DYNC2I2: variants seen among roughly 807,000 people sequenced by gnomAD.
The protein encoded by DYNC2I2 is cytoplasmic dynein 2 intermediate chain 2.
A neutral mutation model predicts 52.0 loss-of-function variants in DYNC2I2; 39 were observed. That is an observed-to-expected ratio of 0.75 (90% CI 0.58 to 0.98). The LOEUF (loss-of-function observed/expected upper bound fraction) is 0.98. DYNC2I2 is among the 50% of genes least tolerant of loss of function. The probability of loss-of-function intolerance (pLI) is 0.00; values close to 1 mark genes in which losing one functional copy is unlikely to be tolerated. For synonymous variants in DYNC2I2, 359 were observed against 321.1 expected (o/e 1.12, Z -1.26); for missense variants, 743 against 728.4 (o/e 1.02, Z -0.23).
chr9:128,637,793 G>A (rs971759943), intron 2 of DYNC2I2, among the ~76,000 whole-genome samples: 8 of 152,070 alleles, frequency 5.3e-5, no homozygotes, highest in South Asian at 2.1e-4. Flanking sequence ...CCCTGCAGCC[G>A]GCCACAGCTG....
At chr9:128,676,385 G>C in the DYNC2I2 span, among the ~76,000 whole-genome samples, 2 of 151,870 alleles carry the variant, frequency 1.3e-5, no homozygotes, top group Non-Finnish European at 2.9e-5. Context: ...AGCTACTCGG[G>C]AGGCTGAGGC....
chr9:128,645,271 G>A (rs969024643), intron 1 of DYNC2I2, among the ~76,000 whole-genome samples: 35 of 151,928 alleles, frequency 2.3e-4, no homozygotes, highest in African/African-American at 5.3e-4. Flanking sequence ...CAAGGCGGGC[G>A]GATCGCCTGA....
chr9:128,670,897 G>T, the DYNC2I2 span, among the ~76,000 whole-genome samples: 40 of 151,476 alleles, frequency 2.6e-4, 1 homozygote, highest in Admixed American at 2.6e-3. Context: ...GTGAAACCCC[G>T]TCTCTACTAA....
the DYNC2I2 span, among the ~76,000 whole-genome samples, chr9:128,665,056 C>CTT: frequency 3.6e-5 from 5 of 138,794 alleles, no homozygotes; most frequent in African/African-American, 1.3e-4. Context: ...TTTTCTTTTT[C>CTT]TTTTTTTTTT....
At chr9:128,671,900 G>A in the DYNC2I2 span, among the ~76,000 whole-genome samples, 10 of 151,516 alleles carry the variant, frequency 6.6e-5, no homozygotes, top group Non-Finnish European at 1.3e-4. Flanking sequence ...TGATCCGCCC[G>A]CCTCGGCCTC....
Position 128,633,754 on chromosome 9 carries a change from A to G in DYNC2I2, c.1601T>C (p.Val534Ala). The G allele has an allele frequency of 2.5e-6, 4 of 1,612,840 alleles. No individual in the cohort carries two copies. Among genetic ancestry groups the G allele is most frequent in the Non-Finnish European group, 3.4e-6 (4 of 1,179,990 alleles). ...AEDLDCLAAEVAA is the reference protein window; with the variant it reads ...AEDLDCLAAEAAA ...GCCTCCCGGGACCCCTCAGGCCGCC[A>G]CCTCTGCTGCCAGGCAGTCCAGGTC... The change falls in exon 9 of 9, where the codon GTG (valine) becomes GCG (alanine). Residue 534 changes from valine (V) to alanine (A), a missense_variant. Physicochemically the swap from Val to Ala is moderately conservative, Grantham distance 64. Transcript: ENST00000372715.
intron 1 of DYNC2I2, among the ~76,000 whole-genome samples, chr9:128,654,999 T>C (rs1328442718): frequency 1.3e-5 from 2 of 151,988 alleles, no homozygotes; most frequent in Non-Finnish European, 2.9e-5. Flanking sequence ...GAGGGAGAGA[T>C]GTCCGTCTTC....
the DYNC2I2 span, among the ~76,000 whole-genome samples, chr9:128,666,203 C>T: frequency 2.1e-3 from 313 of 151,236 alleles, 6 homozygotes; most frequent in South Asian, 0.011. Context: ...TGGAGAAAAC[C>T]CATCTCTACT....
At chr9:128,641,084 G>A in intron 1 of DYNC2I2, 145 bp from the exon 2 acceptor site, 3 of 1,323,608 alleles carry the variant, frequency 2.3e-6, no homozygotes, top group Non-Finnish European at 2.0e-6. Context: ...GTCTTGGTTG[G>A]AGATGGCCCC....
the DYNC2I2 span, among the ~76,000 whole-genome samples, chr9:128,667,671 GT>G: frequency 1.3e-5 from 2 of 151,772 alleles, no homozygotes; most frequent in Non-Finnish European, 2.9e-5. Context: ...CCTGGTTCAA[GT>G]GATTCTCCTG....
At chr9:128,634,055 C>T (rs1860285737) in intron 8 of DYNC2I2, 73 bp from the exon 9 acceptor site, 1 of 1,578,670 alleles carries the variant, frequency 6.3e-7, no homozygotes, top group East Asian at 2.2e-5. Flanking sequence ...GAGGCTAATG[C>T]CCGGGTTCAA....
At chr9:128,678,982 TG>T in the DYNC2I2 span, among the ~76,000 whole-genome samples, 2 of 152,190 alleles carry the variant, frequency 1.3e-5, no homozygotes, top group East Asian at 3.9e-4. Flanking sequence ...GCCAGGAGAA[TG>T]GCGTGAACCT....
chr9:128,641,826 C>T (rs1209612583), intron 1 of DYNC2I2, among the ~76,000 whole-genome samples: 1 of 152,034 alleles, frequency 6.6e-6, no homozygotes. Context: ...GCACTGGTAC[C>T]CACCCTCACC....
At chr9:128,683,482 C>T in the DYNC2I2 span, 4,474 of 232,936 alleles carry the variant, frequency 0.019, 177 homozygotes, top group African/African-American at 0.092. Context: ...CTTTTGGAGG[C>T]CAAAGGAAAA....
chr9:128,638,745 A>G (rs1382271194), intron 2 of DYNC2I2, among the ~76,000 whole-genome samples: 3 of 152,148 alleles, frequency 2.0e-5, no homozygotes, highest in African/African-American at 7.2e-5. Flanking sequence ...CTGTACACCA[A>G]TGTCCACAAG....
At chr9:128,668,818 A>C in the DYNC2I2 span, among the ~76,000 whole-genome samples, 1 of 151,852 alleles carries the variant, frequency 6.6e-6, no homozygotes. Context: ...TCAGTCTAAA[A>C]AAAAGGAAAA....
chr9:128,634,450 C>A (rs1564338028), intron 7 of DYNC2I2, 67 bp from the exon 8 acceptor site: 2 of 1,511,266 alleles, frequency 1.3e-6, no homozygotes, highest in Non-Finnish European at 1.8e-6. Context: ...TGGCCCCCAA[C>A]ACCAGACCCC....
chr9:128,645,616 C>CAAAAAAAA (rs59742854), intron 1 of DYNC2I2, among the ~76,000 whole-genome samples: 4 of 63,924 alleles, frequency 6.3e-5, no homozygotes, highest in African/African-American at 2.4e-4. Context: ...GACTCCATCT[C>CAAAAAAAA]AAAAAAAAAA....
At chr9:128,634,558 G>C in intron 7 of DYNC2I2, 131 bp downstream of exon 7, 4 of 1,282,606 alleles carry the variant, frequency 3.1e-6, no homozygotes, top group Non-Finnish European at 4.2e-6. Context: ...AACCACCAAA[G>C]ACCTGAACAC....
Sources: allele counts gnomAD v4.1 joint callset (sites outside exome capture counted in the v4.1 genomes callset), GRCh38; gene constraint gnomAD v4.1.1; transcripts MANE v1.5; gene names NCBI Gene and HGNC (gene_info 2026-07-23, HGNC 2026-07-21).